Variants in CAST observed in about 807,000 individuals in gnomAD.
CAST encodes MIR583 host.
Under a neutral mutation model 119.6 loss-of-function variants are expected in CAST, and 76 were observed. The observed-to-expected ratio is 0.64, with a 90% confidence interval of 0.53 to 0.77. The LOEUF (loss-of-function observed/expected upper bound fraction) is 0.77. CAST is among the 30% of genes least tolerant of loss of function. CAST has a pLI of 0.00. For missense variants in CAST, 953 were observed against 946.5 expected, an observed-to-expected ratio of 1.01 and a Z score of -0.09; for synonymous variants, 319 against 331.6, an observed-to-expected ratio of 0.96 and a Z score of 0.41.
chr5:95,974,878 G>T, the CAST span, among the ~76,000 whole-genome samples: 2 of 152,170 alleles, frequency 1.3e-5, no homozygotes, highest in Non-Finnish European at 2.9e-5. Context: ...AGTTGTACTG[G>T]TTTTTATGAG....
intron 1 of CAST, among the ~76,000 whole-genome samples, chr5:96,643,921 C>T (rs1449122219): frequency 1.3e-5 from 2 of 151,990 alleles, no homozygotes; most frequent in African/African-American, 2.4e-5. Flanking sequence ...TGTTGGTGTG[C>T]ACCTGTAATC....
At chr5:96,638,896 C>T (rs1359897115) in intron 1 of CAST, among the ~76,000 whole-genome samples, 2 of 152,188 alleles carry the variant, frequency 1.3e-5, no homozygotes, top group African/African-American at 2.4e-5. Flanking sequence ...AGTTTCATCT[C>T]CTTCTCTCTA....
At chr5:96,115,696 G>C in the CAST span, among the ~76,000 whole-genome samples, 1 of 152,194 alleles carries the variant, frequency 6.6e-6, no homozygotes, top group East Asian at 1.9e-4. Context: ...ATGGTGTTCT[G>C]AAGGTGACTA....
chr5:96,284,183 C>CA, the CAST span, among the ~76,000 whole-genome samples: 2 of 152,074 alleles, frequency 1.3e-5, no homozygotes, highest in Non-Finnish European at 2.9e-5. Context: ...AGTATCCTTA[C>CA]AAAAATGTTT....
the CAST span, among the ~76,000 whole-genome samples, chr5:96,000,537 A>C: frequency 1.7e-3 from 254 of 152,296 alleles, no homozygotes; most frequent in African/African-American, 5.7e-3. Context: ...TAGAGATACA[A>C]AAGTGAAAGA....
At chr5:95,987,734 C>A in the CAST span, among the ~76,000 whole-genome samples, 1 of 152,198 alleles carries the variant, frequency 6.6e-6, no homozygotes, top group Non-Finnish European at 1.5e-5. Context: ...AGCCATGTGG[C>A]ACACAGTAGA....
rs71617135 is a variant in CAST, at chr5:96,680,354, C to CAAA, written c.138+4776_138+4778dup. Reference sequence around the variant, plus strand: ...TGGGCAACAGAACGAGACTCTGTCTCAAAAAAAAAAAAAAAAAAAAAAAAA... The same window carrying CAAA: ...TGGGCAACAGAACGAGACTCTGTCTCAAAAAAAAAAAAAAAAAAAAAAAAAAAA... On this transcript the variant is annotated intron_variant, in intron 2 of 31. Transcript: ENST00000675179. 3.6e-3 allele frequency among the ~76,000 whole-genome samples: 103 copies of CAAA among 28,440 alleles called. 1 individual carries two copies. Among genetic ancestry groups the CAAA allele is most frequent in the African/African-American group, 6.0e-3 (40 of 6,612 alleles). The allele number at this position is 28,440 out of a possible 152,430, so 18.7% of individuals were successfully genotyped here. A position where few individuals can be genotyped will look rare whatever the true frequency, so the allele number is the denominator to read the frequency against.
chr5:96,766,585 C>G (rs746586019), intron 27 of CAST, among the ~76,000 whole-genome samples: 8 of 152,192 alleles, frequency 5.3e-5, no homozygotes, highest in Non-Finnish European at 1.0e-4. Flanking sequence ...CCTGCATCAT[C>G]ATCAGCACTA....
the CAST span, among the ~76,000 whole-genome samples, chr5:96,413,564 C>T: frequency 1.3e-5 from 2 of 152,104 alleles, no homozygotes; most frequent in Admixed American, 6.6e-5. Flanking sequence ...CTTTGGGAGG[C>T]CGAGGTGGGT....
At chr5:96,103,534 C>CA in the CAST span, among the ~76,000 whole-genome samples, 1 of 150,716 alleles carries the variant, frequency 6.6e-6, no homozygotes, top group Admixed American at 6.6e-5. Flanking sequence ...ATGAACTCAT[C>CA]ATTTTTTATG....
chr5:96,436,455 GT>G, the CAST span, among the ~76,000 whole-genome samples: 4 of 104,644 alleles, frequency 3.8e-5, no homozygotes, highest in Admixed American at 1.0e-4. Context: ...ACCAATATAA[GT>G]TTTTATCTGA....
intron 1 of CAST, among the ~76,000 whole-genome samples, chr5:96,591,294 G>A (rs1746957970): frequency 6.6e-6 from 1 of 152,230 alleles, no homozygotes; most frequent in Non-Finnish European, 1.5e-5. Context: ...AGATTCTGAT[G>A]AATGGAAGTC....
chr5:96,288,227 A>G, the CAST span, among the ~76,000 whole-genome samples: 1 of 152,162 alleles, frequency 6.6e-6, no homozygotes, highest in Admixed American at 6.5e-5. Flanking sequence ...TACTCTGGAG[A>G]AAACTACATA....
the CAST span, among the ~76,000 whole-genome samples, chr5:96,147,627 A>ACAAAACAAAG: frequency 6.6e-6 from 1 of 152,060 alleles, no homozygotes; most frequent in Non-Finnish European, 1.5e-5. Flanking sequence ...ACAAAACAAA[A>ACAAAACAAAG]CAAAACAAAA....
At chr5:96,718,381 C>T (rs1043459782) in intron 3 of CAST, among the ~76,000 whole-genome samples, 1 of 151,914 alleles carries the variant, frequency 6.6e-6, no homozygotes, top group Non-Finnish European at 1.5e-5. Context: ...CAGAGACTGA[C>T]TATTAAAGAA....
chr5:96,423,525 A>C, the CAST span: 1 of 1,426,632 alleles, frequency 7.0e-7, no homozygotes, highest in South Asian at 1.2e-5. Context: ...TGGGCACTTC[A>C]GTTCCAACCT....
At chr5:96,395,002 T>G in the CAST span, 2 of 1,613,850 alleles carry the variant, frequency 1.2e-6, no homozygotes, top group Admixed American at 1.7e-5. Flanking sequence ...TCACAATTCT[T>G]CCTTCATTTT....
the CAST span, among the ~76,000 whole-genome samples, chr5:96,460,084 T>A: frequency 1.3e-5 from 2 of 152,100 alleles, no homozygotes; most frequent in Non-Finnish European, 2.9e-5. Flanking sequence ...GCTAGACAAA[T>A]AGCGCTGACA....
the CAST span, among the ~76,000 whole-genome samples, chr5:96,450,399 G>T: frequency 6.6e-6 from 1 of 152,274 alleles, no homozygotes; most frequent in East Asian, 1.9e-4. Flanking sequence ...GGTACACACA[G>T]ACATACAGAA....
Sources: allele counts gnomAD v4.1 joint callset (sites outside exome capture counted in the v4.1 genomes callset), GRCh38; gene constraint gnomAD v4.1.1; transcripts MANE v1.5; gene names NCBI Gene and HGNC (gene_info 2026-07-23, HGNC 2026-07-21).